CEP128: variants seen among roughly 807,000 people sequenced by gnomAD.
CEP128 encodes centrosomal protein 128.
Under a neutral mutation model 156.7 loss-of-function variants are expected in CEP128, and 132 were observed. The observed-to-expected ratio is 0.84, with a 90% CI of 0.73 to 0.97. The LOEUF is 0.97. Among genes scored for constraint, CEP128 ranks in the 50% least tolerant of loss-of-function variants. The probability of loss-of-function intolerance (pLI) is 0.00; values close to 1 mark genes in which losing one functional copy is unlikely to be tolerated. For missense variants in CEP128, 1,252 were observed against 1,281.9 expected (o/e 0.98, Z 0.36); for synonymous variants, 469 against 448.9 (o/e 1.04, Z -0.57).
rs986228033 is a variant in CEP128 at position 80,539,497 on chromosome 14, C to T, written c.2881-8611G>A. Among the ~76,000 whole-genome samples the T allele has an allele frequency of 1.3e-4, 20 of 152,216 alleles. 1 individual carries two copies. Among genetic ancestry groups the T allele is most frequent in the Non-Finnish European group, 2.5e-4 (17 of 68,038 alleles). On this transcript the variant is annotated intron_variant, in intron 21 of 24. Coordinates refer to ENST00000555265, the MANE Select transcript of CEP128 (RefSeq NM_152446.5). ...TTATAATTTATTACGCCTATCTTTA[C>T]TTTAATCTCTTAATCCCATTATCTT...
intron 21 of CEP128, among the ~76,000 whole-genome samples, chr14:80,539,551 G>A (rs1487574677): frequency 6.6e-6 from 1 of 152,116 alleles, no homozygotes; most frequent in South Asian, 2.1e-4. Flanking sequence ...GTCACCACAG[G>A]ACCACTGTGA....
chr14:80,806,582 A>C (rs1884186525), intron 13 of CEP128, among the ~76,000 whole-genome samples: 1 of 152,188 alleles, frequency 6.6e-6, no homozygotes, highest in Non-Finnish European at 1.5e-5. Context: ...TAAAGTAGGC[A>C]CTTTGGGAGA....
intron 20 of CEP128, among the ~76,000 whole-genome samples, chr14:80,572,850 T>C (rs1177857876): frequency 2.0e-5 from 3 of 152,230 alleles, no homozygotes; most frequent in Non-Finnish European, 4.4e-5. Flanking sequence ...GGATAGTGTA[T>C]GAAGATGAGT....
Position 80,821,747 on chromosome 14 carries a change from C to T in CEP128, c.1209+9396G>A, listed in dbSNP as rs765145669. ...CTGGAGTGAAGTGGTGTGAACATGG[C>T]TCACTGCAGCCTCGGCCTCCCAGAC... On this transcript the variant is annotated intron_variant, in intron 13 of 24. Coordinates refer to ENST00000555265, the MANE Select transcript of CEP128 (RefSeq NM_152446.5). Among the ~76,000 whole-genome samples, 163 of 151,792 alleles carry T rather than the reference C, an allele frequency of 1.1e-3. 2 individuals carry two copies. The highest frequency in any genetic ancestry group is 3.2e-4 in the Non-Finnish European group (22 of 67,982).
chr14:80,954,444 T>A (rs1455232779), intron 2 of CEP128, among the ~76,000 whole-genome samples: 1 of 152,200 alleles, frequency 6.6e-6, no homozygotes, highest in Admixed American at 6.5e-5. Flanking sequence ...AAATTTGGAA[T>A]ACACATATTT....
intron 19 of CEP128, among the ~76,000 whole-genome samples, chr14:80,705,593 T>C (rs1303778793): frequency 6.6e-6 from 1 of 152,090 alleles, no homozygotes; most frequent in Non-Finnish European, 1.5e-5. Flanking sequence ...TGAATGTGGG[T>C]AGGCTTTTGA....
At chr14:80,769,492 T>G (rs1208953217) in intron 16 of CEP128, among the ~76,000 whole-genome samples, 1 of 151,592 alleles carries the variant, frequency 6.6e-6, no homozygotes, top group East Asian at 1.9e-4. Flanking sequence ...CACCTATGAG[T>G]GAGAACATGC....
chr14:80,530,829 C>A lies in CEP128; in HGVS notation c.2938G>T (p.Glu980Ter), dbSNP rs1204129010. The change falls in exon 22 of 25, where the codon GAA (glutamate) becomes TAA (stop). Residue 980 changes from glutamate (E) to a stop codon, truncating the protein, a stop_gained. Coordinates refer to ENST00000555265, the MANE Select transcript of CEP128 (RefSeq NM_152446.5). LOFTEE classifies it high-confidence loss of function. ...CTCACTCTGAAGTCTTTGAAATCTT[C>A]TAGTAGGCTCAGTTTCTCAGGCACA... The part of the protein sequence containing the change: ...ESVPEKLSLL[E>*]DFKDFRDSCS... The A allele has an allele frequency of 1.9e-6, 3 of 1,606,404 alleles. No individual in the cohort carries two copies. The Admixed American group carries it at 5.1e-5, about 27-fold the overall frequency.
chr14:80,820,145 A>G (rs1318336666), intron 13 of CEP128, among the ~76,000 whole-genome samples: 1 of 152,184 alleles, frequency 6.6e-6, no homozygotes, highest in African/African-American at 2.4e-5. Flanking sequence ...GTAAGAATAT[A>G]TGATCTAATT....
Position 80,916,352 on chromosome 14 carries a change from C to T in CEP128, c.147+49G>A, listed in dbSNP as rs750591305. The T allele has an allele frequency of 2.8e-6, 4 of 1,446,834 alleles. No individual in the cohort carries two copies. In the South Asian group the frequency reaches 3.5e-5, roughly 13 times the overall value. 89.6% of individuals were successfully genotyped at this position (1,446,834 alleles called of 1,614,324 possible). Reference sequence around the variant, plus strand: ...TAATCCACTGACTGAAACTATTAAGCAGCTCAAACTATTTAAATTCTATTA... The same window carrying T: ...TAATCCACTGACTGAAACTATTAAGTAGCTCAAACTATTTAAATTCTATTA... On this transcript the variant is annotated intron_variant, in intron 3 of 24. Coordinates refer to ENST00000555265, the MANE Select transcript of CEP128 (RefSeq NM_152446.5).
chr14:80,687,085 G>A (rs73334792), intron 19 of CEP128, among the ~76,000 whole-genome samples: 4,893 of 151,822 alleles, frequency 0.032, 253 homozygotes, highest in African/African-American at 0.11. Context: ...TGGATCAAAG[G>A]GACCTGATTC....
At chr14:80,499,987 A>G (rs1057371334) in intron 24 of CEP128, among the ~76,000 whole-genome samples, 1 of 152,238 alleles carries the variant, frequency 6.6e-6, no homozygotes, top group African/African-American at 2.4e-5. Context: ...GGTAGTGATC[A>G]TGCCTTTAAA....
At chr14:80,754,780 T>G (rs992269155) in intron 18 of CEP128, among the ~76,000 whole-genome samples, 2 of 152,208 alleles carry the variant, frequency 1.3e-5, no homozygotes, top group Non-Finnish European at 2.9e-5. Flanking sequence ...TCATTTTTTA[T>G]GCCCACAGCA....
At chr14:80,499,673 A>T (rs1335339928) in intron 24 of CEP128, among the ~76,000 whole-genome samples, 2 of 152,232 alleles carry the variant, frequency 1.3e-5, no homozygotes. Flanking sequence ...TTTAGTCTTA[A>T]AAAACTAGAG....
chr14:80,704,390 A>G (rs1466818642), intron 19 of CEP128, among the ~76,000 whole-genome samples: 1 of 152,076 alleles, frequency 6.6e-6, no homozygotes, highest in African/African-American at 2.4e-5. Context: ...TATTTTTTTA[A>G]AAAAGTTTAT....
At chr14:80,836,163 C>G in intron 12 of CEP128, 42 bp downstream of exon 12, 2 of 1,598,406 alleles carry the variant, frequency 1.3e-6, no homozygotes, top group Non-Finnish European at 1.7e-6. Context: ...CAAAAAGCCC[C>G]CACACACATT....
rs1900895329 is a variant in CEP128, at chr14:80,778,060, A to G, written c.2212-14T>C. ...TAAACTTTCAGCCTGAGAAAAAGAGAAGGAAAAAACAGAAAGTCCACTAGC... is the reference window on the plus strand; with the variant it reads ...TAAACTTTCAGCCTGAGAAAAAGAGGAGGAAAAAACAGAAAGTCCACTAGC... On this transcript the variant is annotated splice_polypyrimidine_tract_variant and intron_variant, in intron 15 of 24. Transcript: ENST00000555265. 4.3e-6 allele frequency: 7 copies of G among 1,609,554 alleles called. No individual in the cohort carries two copies. The highest frequency in any genetic ancestry group is 1.1e-5 in the South Asian group (1 of 89,718).
intron 2 of CEP128, among the ~76,000 whole-genome samples, chr14:80,934,076 C>T (rs1204579420): frequency 6.6e-6 from 1 of 152,156 alleles, no homozygotes; most frequent in African/African-American, 2.4e-5. Context: ...TCCTATGCAA[C>T]CACCAGCTGA....
Position 80,862,841 on chromosome 14 carries a change from T to C in CEP128, c.678A>G (p.Glu226=), listed in dbSNP as rs1214215056. Residue 226 remains glutamate (E), a synonymous_variant, in exon 9 of 25, where the codon GAA becomes GAG. Transcript: ENST00000555265. The stretch of plus-strand genomic sequence containing the variant: ...TTTCTGTGCGCATCTCTCTCTCCAG[T>C]TCCTGAAGCCGCCGCTCCACCCGAT... ...VSDRVERRLQ[E]LEREMRTERE... The C allele has an allele frequency of 1.2e-5, 20 of 1,613,964 alleles. No individual in the cohort carries two copies. The highest frequency in any genetic ancestry group is 1.5e-5 in the Non-Finnish European group (18 of 1,179,932).
Sources: allele counts gnomAD v4.1 joint callset (sites outside exome capture counted in the v4.1 genomes callset), GRCh38; gene constraint gnomAD v4.1.1; transcripts MANE v1.5; gene names NCBI Gene and HGNC (gene_info 2026-07-23, HGNC 2026-07-21).